The following MLLT3 variants were observed in gnomAD, a reference collection of about 807,000 sequenced individuals.
MLLT3 encodes the protein protein AF-9.
MLLT3 carries 4 observed loss-of-function variants against 53.2 expected under a neutral mutation model. The ratio of observed to expected loss-of-function variants is 0.08; its 90% CI spans 0.04 to 0.17. The LOEUF (loss-of-function observed/expected upper bound fraction) is 0.17, where lower values mean the gene tolerates loss of function less well. Ranked by LOEUF, MLLT3 falls within the 10% of genes least tolerant of loss-of-function variation. The pLI is 1.00. For synonymous variants in MLLT3, 283 were observed against 230.6 expected (o/e 1.23, Z -2.06); for missense variants, 569 against 684.0 (o/e 0.83, Z 1.87).
intron 10 of MLLT3, among the ~76,000 whole-genome samples, chr9:20,348,856 A>G (rs1820941625): frequency 6.6e-6 from 1 of 152,212 alleles, no homozygotes; most frequent in African/African-American, 2.4e-5. Flanking sequence ...ACAAACACAC[A>G]GCTATGCCCA....
At chr9:20,559,298 C>G (rs1025183756) in intron 2 of MLLT3, among the ~76,000 whole-genome samples, 1 of 152,092 alleles carries the variant, frequency 6.6e-6, no homozygotes, top group Non-Finnish European at 1.5e-5. Flanking sequence ...CTTTTAAAAG[C>G]TGAGACACTT....
intron 2 of MLLT3, among the ~76,000 whole-genome samples, chr9:20,538,052 T>G (rs1010409086): frequency 6.6e-6 from 1 of 152,342 alleles, no homozygotes; most frequent in South Asian, 2.1e-4. Context: ...TCTCCCATTA[T>G]ACCATCTGGG....
Position 20,621,464 on chromosome 9 carries a change from C to T in MLLT3, c.13-630G>A, listed in dbSNP as rs1421665189. On this transcript the variant is annotated intron_variant, in intron 1 of 10. Transcript: ENST00000380338. This position sits in a 1 kb window ranked among gnomAD's most constrained non-coding sequence, Gnocchi z 7.0. ...TACACACTGAAACACACACACACGC[C>T]CGCAGGAAAACACGCCGAGGCATCC... Among the ~76,000 whole-genome samples the T allele has an allele frequency of 1.3e-5, 2 of 152,098 alleles. No individual in the cohort carries two copies. Among genetic ancestry groups the T allele is most frequent in the African/African-American group, 2.4e-5 (1 of 41,404 alleles).
chr9:20,481,046 C>T (rs1451556940), intron 2 of MLLT3, among the ~76,000 whole-genome samples: 1 of 152,052 alleles, frequency 6.6e-6, no homozygotes, highest in Non-Finnish European at 1.5e-5. Context: ...AAGAGGTATC[C>T]CTAAAACTAG....
chr9:20,594,169 G>A lies in MLLT3; in HGVS notation c.193+26485C>T, dbSNP rs11999627. Among the ~76,000 whole-genome samples, 401 of 152,210 alleles carry A rather than the reference G, an allele frequency of 2.6e-3. 2 individuals are homozygous for A. The highest frequency in any genetic ancestry group is 9.2e-3 in the African/African-American group (380 of 41,530). ...TTGGTCAAGCTGGTCTCGAACTCCT[G>A]ACCTCAAATGATCCGCCTACCTCGG... On this transcript the variant is annotated intron_variant, in intron 2 of 10. Coordinates refer to ENST00000380338, the MANE Select transcript of MLLT3 (RefSeq NM_004529.4).
chr9:20,483,904 G>A (rs1371755693), intron 2 of MLLT3, among the ~76,000 whole-genome samples: 2 of 151,040 alleles, frequency 1.3e-5, no homozygotes, highest in Non-Finnish European at 3.0e-5. Context: ...GTAGAGATGG[G>A]GTTTCACCGT....
chr9:20,502,945 T>A (rs1308503639), intron 2 of MLLT3, among the ~76,000 whole-genome samples: 1 of 152,150 alleles, frequency 6.6e-6, no homozygotes, highest in Non-Finnish European at 1.5e-5. Flanking sequence ...AAACAATCCA[T>A]TCACTACAGC....
At chr9:20,606,644 A>G (rs1451747623) in intron 2 of MLLT3, among the ~76,000 whole-genome samples, 2 of 152,148 alleles carry the variant, frequency 1.3e-5, no homozygotes, top group Non-Finnish European at 2.9e-5. Context: ...GTGTCTTTCA[A>G]TGCCTTAAAC....
At chr9:20,582,462 T>C (rs2131175785) in intron 2 of MLLT3, among the ~76,000 whole-genome samples, 1 of 152,328 alleles carries the variant, frequency 6.6e-6, no homozygotes, top group Non-Finnish European at 1.5e-5. Flanking sequence ...TTTACCTTTT[T>C]CAGAATGTTA....
At chr9:20,415,371 A>G (rs1239682403) in intron 4 of MLLT3, 22 of 623,392 alleles carry the variant, frequency 3.5e-5, no homozygotes, top group South Asian at 7.1e-5. Flanking sequence ...TCATATAAAC[A>G]TATCAGAATA....
intron 9 of MLLT3, 31 bp downstream of exon 9, chr9:20,354,777 G>C (rs773189683): frequency 7.1e-7 from 1 of 1,409,276 alleles, no homozygotes; most frequent in Admixed American, 1.7e-5. Context: ...GTCAGTGTTG[G>C]AGCCCTCCTA....
chr9:20,535,990 A>G (rs1818474584), intron 2 of MLLT3, among the ~76,000 whole-genome samples: 1 of 152,166 alleles, frequency 6.6e-6, no homozygotes, highest in Admixed American at 6.5e-5. Flanking sequence ...TATTAAATAT[A>G]AAGTAGCTTT....
chr9:20,465,887 G>C (rs1824226505), intron 2 of MLLT3, among the ~76,000 whole-genome samples: 1 of 152,100 alleles, frequency 6.6e-6, no homozygotes, highest in African/African-American at 2.4e-5. Context: ...TTTATACAGG[G>C]TACATATAGG....
intron 2 of MLLT3, among the ~76,000 whole-genome samples, chr9:20,598,434 GAA>G (rs923425097): frequency 6.6e-6 from 1 of 152,130 alleles, no homozygotes; most frequent in African/African-American, 2.4e-5. Context: ...TGTAAATTTG[GAA>G]GAGAAGTAGG....
chr9:20,584,872 T>C (rs7040060), intron 2 of MLLT3, among the ~76,000 whole-genome samples: 2 of 152,238 alleles, frequency 1.3e-5, no homozygotes, highest in African/African-American at 2.4e-5. Flanking sequence ...CTAAACAGTA[T>C]TCCATTGTGT....
At chr9:20,525,031 G>T (rs1040995811) in intron 2 of MLLT3, among the ~76,000 whole-genome samples, 6 of 151,436 alleles carry the variant, frequency 4.0e-5, no homozygotes, top group African/African-American at 1.5e-4. Flanking sequence ...GATAAAGGAG[G>T]GGAAAAAGAG....
At chr9:20,385,804 C>T (rs1274194040) in intron 5 of MLLT3, among the ~76,000 whole-genome samples, 1 of 152,156 alleles carries the variant, frequency 6.6e-6, no homozygotes, top group Non-Finnish European at 1.5e-5. Context: ...TTATATACCA[C>T]TAATTGACAG....
At chr9:20,430,446 T>C (rs1043477289) in intron 4 of MLLT3, among the ~76,000 whole-genome samples, 10 of 152,094 alleles carry the variant, frequency 6.6e-5, no homozygotes, top group Non-Finnish European at 1.2e-4. Context: ...GGAACAGAAA[T>C]GTACACCCTT....
chr9:20,569,542 A>G (rs1819474182), intron 2 of MLLT3, among the ~76,000 whole-genome samples: 1 of 152,208 alleles, frequency 6.6e-6, no homozygotes, highest in Non-Finnish European at 1.5e-5. Context: ...TAGAAAGACT[A>G]CACAGAAATC....
Sources: gnomAD v4.1 joint callset for allele counts (sites outside exome capture counted in the v4.1 genomes callset) on GRCh38, gnomAD v4.1.1 for gene constraint, Gnocchi (gnomAD v3.1) non-coding constraint, MANE v1.5 for transcripts, NCBI Gene and HGNC (gene_info 2026-07-23, HGNC 2026-07-21) for gene names.